ABCC11: variants seen among roughly 807,000 people sequenced by gnomAD.
The protein encoded by ABCC11 is ATP binding cassette subfamily C member 11.
Under a neutral mutation model 149.3 loss-of-function variants are expected in ABCC11, and 135 were observed. That is an observed-to-expected ratio of 0.90 (90% CI 0.79 to 1.04). The LOEUF is 1.04. Among genes scored for constraint, ABCC11 ranks in the 50% least tolerant of loss-of-function variants. ABCC11 has a pLI of 0.00. For synonymous variants in ABCC11, 665 were observed against 671.4 expected, an observed-to-expected ratio of 0.99 and a Z score of 0.15; for missense variants, 1,680 against 1,722.1, an observed-to-expected ratio of 0.98 and a Z score of 0.43.
At chr16:48,175,518 G>T in intron 25 of ABCC11, 101 bp from the exon 26 acceptor site, 1 of 1,370,496 alleles carries the variant, frequency 7.3e-7, no homozygotes, top group Non-Finnish European at 9.8e-7. Flanking sequence ...GCCCTCCGTG[G>T]CCCATTCTTC....
In ABCC11 at chr16:48,167,073, G is replaced by A; in HGVS notation, c.*201C>T. 1.7e-6 allele frequency: 1 copy of A among 583,586 alleles called. No homozygotes were observed. Among genetic ancestry groups the A allele is most frequent in the Non-Finnish European group, 3.1e-6 (1 of 325,754 alleles). 36.2% of individuals were successfully genotyped at this position (583,586 alleles called of 1,614,324 possible). A position where few individuals can be genotyped will look rare whatever the true frequency, so the allele number is the denominator to read the frequency against. ...TGAATCCCATGTCTTAGATGGTTCT[G>A]GGGTTCTAAGGTCTTGAGAGCCATC... On this transcript the variant is annotated 3_prime_UTR_variant, in exon 30 of 30. Transcript: ENST00000356608.
intron 1 of ABCC11, 59 bp from the exon 2 acceptor site, chr16:48,231,998 T>C: frequency 6.2e-7 from 1 of 1,604,940 alleles, no homozygotes; most frequent in South Asian, 1.1e-5. Flanking sequence ...GAAGCTTAGA[T>C]CTCGCCTTGA....
chr16:48,214,972 G>A lies in ABCC11; in HGVS notation c.1157C>T (p.Thr386Ile), dbSNP rs373909179. 4.5e-5 allele frequency: 72 copies of A among 1,614,044 alleles called. No homozygotes were observed. The highest frequency in any genetic ancestry group is 6.1e-5 in the Non-Finnish European group (72 of 1,180,052). ...LEKCGLVQSL[T>I]SITLFIIPTV... ...GGGGATGATGAACAAGGTTATACTT[G>A]TCAGGCTCTGGACAAGCCCGCACTT... The change falls in exon 9 of 30, where the codon ACA becomes ATA. Residue 386 changes from threonine (T) to isoleucine (I), a missense_variant. Coordinates refer to ENST00000356608, the MANE Select transcript of ABCC11 (RefSeq NM_001370497.1).
At chr16:48,219,132 C>T (rs892920696) in intron 6 of ABCC11, among the ~76,000 whole-genome samples, 3 of 151,010 alleles carry the variant, frequency 2.0e-5, no homozygotes, top group Admixed American at 6.6e-5. Flanking sequence ...TTATGGGTAC[C>T]TTGCATGTGT....
intron 11 of ABCC11, chr16:48,209,522 A>G (rs73540888): frequency 0.025 from 3,969 of 157,294 alleles, 180 homozygotes; most frequent in African/African-American, 0.09. Context: ...TGAGAATCCA[A>G]TGCTGCCGCT....
Position 48,205,435 on chromosome 16 carries a change from C to T in ABCC11, c.1783G>A (p.Gly595Arg). Residue 595 changes from glycine (G) to arginine (R), a missense_variant, in exon 13 of 30, where the codon GGA becomes AGA. Gly to Arg is a moderately radical substitution (Grantham distance 125, BLOSUM62 -2). Transcript: ENST00000356608. ...TACCGGGCCTTGTCATATGCGCCTC[C>T]CATGAGGATGTTCTCCCTGATGTTC... ...SGNIRENILM[G>R]GAYDKARYLQ... The T allele has an allele frequency of 1.2e-6, 2 of 1,614,214 alleles. No homozygotes were observed. The highest frequency in any genetic ancestry group is 1.7e-6 in the Non-Finnish European group (2 of 1,180,034).
intron 1 of ABCC11, chr16:48,232,197 C>G (rs1016328916): frequency 4.8e-6 from 3 of 620,262 alleles, no homozygotes; most frequent in Non-Finnish European, 7.0e-6. Flanking sequence ...CAACACCGCA[C>G]CCTTGATCCT....
chr16:48,220,821 T>C (rs1016847930), intron 6 of ABCC11, among the ~76,000 whole-genome samples: 13 of 152,258 alleles, frequency 8.5e-5, no homozygotes, highest in Non-Finnish European at 1.6e-4. Context: ...GTTTTTGGAA[T>C]ATCTGTTCTG....
At chr16:48,212,045 A>G (rs1968972254) in intron 10 of ABCC11, among the ~76,000 whole-genome samples, 1 of 152,222 alleles carries the variant, frequency 6.6e-6, no homozygotes, top group South Asian at 2.1e-4. Context: ...AAACAGGCAC[A>G]GAAGGGGAGA....
At position 48,216,122 on chromosome 16, in the gene ABCC11, G is replaced by A; in HGVS notation, c.943C>T (p.Pro315Ser). 6.2e-7 allele frequency: 1 copy of A among 1,613,904 alleles called. No homozygotes were observed. The highest frequency in any genetic ancestry group is 8.5e-7 in the Non-Finnish European group (1 of 1,179,940). Residue 315 changes from proline (P) to serine (S), a missense_variant, in exon 7 of 30, where the codon CCA becomes TCA. By Grantham distance (74) the Pro-to-Ser change is moderately conservative. Coordinates refer to ENST00000356608, the MANE Select transcript of ABCC11 (RefSeq NM_001370497.1). ...ACAGAGAAAGACATTACCGCCAGTG[G>A]GAAAACCAGGAGATAGCATAAGATG... Reference protein sequence around the residue: ...IAILCYLLVFPLAVFMTRMAV... With the variant: ...IAILCYLLVFSLAVFMTRMAV...
intron 4 of ABCC11, among the ~76,000 whole-genome samples, chr16:48,227,494 G>T (rs1388288355): frequency 6.7e-6 from 1 of 149,746 alleles, no homozygotes; most frequent in Non-Finnish European, 1.5e-5. Flanking sequence ...AAAAAAAATA[G>T]TGATAAAAAT....
chr16:48,175,409 A>T lies in ABCC11; in HGVS notation c.3547T>A (p.Ser1183Thr). 1 of 1,609,140 alleles carries T rather than the reference A, an allele frequency of 6.2e-7. No homozygotes were observed. The change falls in exon 26 of 30, where the codon TCC (serine) becomes ACC (threonine). Residue 1183 changes from serine to threonine, a missense_variant. Transcript: ENST00000356608. ...AGGCGGAAGAGAGCCATGCCCAAGG[A>T]GGACTTCCCTGTGGGGCAAGAAACA... is the stretch of plus-strand genomic sequence containing the variant. ...IVGRTGSGKS[S>T]LGMALFRLVE... is the part of the protein sequence containing the mutation.
At chr16:48,199,555 C>A (rs1025423286) in intron 15 of ABCC11, among the ~76,000 whole-genome samples, 1 of 151,998 alleles carries the variant, frequency 6.6e-6, no homozygotes, top group East Asian at 1.9e-4. Flanking sequence ...AGTCATTGCA[C>A]TGCGGTCATC....
intron 10 of ABCC11, among the ~76,000 whole-genome samples, chr16:48,212,522 C>T (rs1341525003): frequency 6.6e-6 from 1 of 152,228 alleles, no homozygotes; most frequent in Non-Finnish European, 1.5e-5. Context: ...CCGCATGCGA[C>T]CTGTGACCCA....
chr16:48,168,087 T>A (rs1965453512), intron 28 of ABCC11, among the ~76,000 whole-genome samples: 1 of 152,238 alleles, frequency 6.6e-6, no homozygotes, highest in African/African-American at 2.4e-5. Flanking sequence ...TGTATTTATT[T>A]CATTAACGAT....
rs753159850 is a variant in ABCC11, at chr16:48,170,168, T to A, written c.3828A>T (p.Gly1276=). The change falls in exon 28 of 30, where the codon GGA becomes GGT. Residue 1276 remains glycine, a synonymous_variant. Coordinates refer to ENST00000356608, the MANE Select transcript of ABCC11 (RefSeq NM_001370497.1). ...GCTGCCTCTCCCCCACAGAGAAGTT[T>A]CCACCGTTTTCCACCACATCTGTAT... is the stretch of plus-strand genomic sequence containing the variant. ...KLHTDVVENG[G]NFSVGERQLL... The A allele has an allele frequency of 3.1e-6, 5 of 1,613,994 alleles. No homozygotes were observed. The highest frequency in any genetic ancestry group is 1.7e-5 in the Admixed American group (1 of 60,000).
chr16:48,214,995 C>T lies in ABCC11; in HGVS notation c.1134G>A (p.Lys378=). The stretch of plus-strand genomic sequence containing the variant: ...TTGTCAGGCTCTGGACAAGCCCGCA[C>T]TTCTCCAATAGTTTCCTTTCCTTCC... ...LRRKERKLLE[K]CGLVQSLTSI... Residue 378 remains lysine, a synonymous_variant, in exon 9 of 30, where the codon AAG becomes AAA. Transcript: ENST00000356608. 6.2e-7 allele frequency: 1 copy of T among 1,614,122 alleles called. No homozygotes were observed. The highest frequency in any genetic ancestry group is 8.5e-7 in the Non-Finnish European group (1 of 1,180,024).
chr16:48,244,404 C>T (rs755910224), intron 1 of ABCC11: 5 of 1,569,308 alleles, frequency 3.2e-6, no homozygotes, highest in Non-Finnish European at 4.3e-6. Flanking sequence ...ATCAGTGAGC[C>T]CCATCCAGAT....
intron 1 of ABCC11, chr16:48,244,350 G>A: frequency 6.9e-7 from 1 of 1,445,680 alleles, no homozygotes; most frequent in South Asian, 1.3e-5. Flanking sequence ...CTGTCTGTCT[G>A]GCTCTTTTTG....
Sources: gnomAD v4.1 joint callset for allele counts (sites outside exome capture counted in the v4.1 genomes callset) on GRCh38, gnomAD v4.1.1 for gene constraint, MANE v1.5 for transcripts, NCBI Gene and HGNC (gene_info 2026-07-23, HGNC 2026-07-21) for gene names.